Variants in GNG12 observed in about 807,000 individuals in gnomAD.
The protein encoded by GNG12 is guanine nucleotide-binding protein G(I)/G(S)/G(O) subunit gamma-12.
For missense variants in GNG12, 69 were observed against 83.8 expected (o/e 0.82, Z 0.69); for synonymous variants, 28 against 29.7 (o/e 0.94, Z 0.19).
rs1646756712 is a variant in GNG12 at position 67,784,529 on chromosome 1, CTT to C, written c.-76-7024_-76-7023del. On this transcript the variant is annotated intron_variant, in intron 1 of 3. Coordinates refer to ENST00000370982, the MANE Select transcript of GNG12 (RefSeq NM_018841.6). Reference sequence around the variant, plus strand: ...TGCCAATTTCTATTAAAAAAAAAGACTTTTATTTTGTATTTGTAAGATCATTA... The same window carrying C: ...TGCCAATTTCTATTAAAAAAAAAGACTTATTTTGTATTTGTAAGATCATTA... Among the ~76,000 whole-genome samples the C allele has an allele frequency of 2.7e-5, 4 of 149,488 alleles. No individual in the cohort carries two copies. In the South Asian group the frequency reaches 8.6e-4, roughly 32 times the overall value.
At chr1:67,773,293 C>T (rs750690348) in intron 2 of GNG12, among the ~76,000 whole-genome samples, 2 of 152,182 alleles carry the variant, frequency 1.3e-5, no homozygotes, top group Admixed American at 6.5e-5. Context: ...CTATCATTCT[C>T]GGCACCAATG....
At chr1:67,829,519 A>G (rs1647031088) in intron 1 of GNG12, among the ~76,000 whole-genome samples, 1 of 152,228 alleles carries the variant, frequency 6.6e-6, no homozygotes, top group Admixed American at 6.5e-5. Flanking sequence ...AAAATAATGC[A>G]TGCTCATTAT....
chr1:67,800,437 A>G (rs1365028862), intron 1 of GNG12, among the ~76,000 whole-genome samples: 2 of 152,190 alleles, frequency 1.3e-5, no homozygotes, highest in African/African-American at 4.8e-5. Context: ...TGTCTGCCAA[A>G]TATCCAAGTC....
chr1:67,820,422 G>GA (rs1235791003), intron 1 of GNG12, among the ~76,000 whole-genome samples: 3 of 151,218 alleles, frequency 2.0e-5, no homozygotes, highest in African/African-American at 7.3e-5. Context: ...ATTAACAACT[G>GA]AAAAACAGAT....
chr1:67,761,383 A>C (rs557294179), intron 2 of GNG12, among the ~76,000 whole-genome samples: 1 of 152,206 alleles, frequency 6.6e-6, no homozygotes, highest in Non-Finnish European at 1.5e-5. Context: ...GAGGCTTCCA[A>C]CCTCACTCAG....
intron 2 of GNG12, among the ~76,000 whole-genome samples, chr1:67,717,556 T>G (rs532441044): frequency 6.6e-6 from 1 of 152,032 alleles, no homozygotes; most frequent in African/African-American, 2.4e-5. Flanking sequence ...TGTGCTTAAG[T>G]TTTCAAAGCT....
chr1:67,833,440 C>T lies in GNG12; in HGVS notation c.-173G>A. ...ACCTCTCCTCCTCCTCCTCCTCTTG[C>T]TCCTCCGGGCGCCGGCTCCGCCTCG... is the stretch of plus-strand genomic sequence containing the variant. On this transcript the variant is annotated 5_prime_UTR_variant, in exon 1 of 4. Transcript: ENST00000370982. 2.0e-6 allele frequency: 2 copies of T among 985,340 alleles called. No homozygotes were observed. The highest frequency in any genetic ancestry group is 4.7e-5 in the South Asian group (1 of 21,298). The allele number at this position is 985,340 out of a possible 1,614,324, so 61.0% of individuals were successfully genotyped here.
At position 67,763,408 on chromosome 1, in the gene GNG12, AT is replaced by A. The variant is rs564187562; in HGVS notation, c.-27+14049del. 1.6e-3 allele frequency among the ~76,000 whole-genome samples: 250 copies of A among 152,218 alleles called. 1 individual carries two copies. The highest frequency in any genetic ancestry group is 5.7e-3 in the African/African-American group (237 of 41,542). ...TGTCTTGGTTTTTAATGTTATTAAT[AT>A]TTAAGAGTAAGTGCTGGTTATTTTG... On this transcript the variant is annotated intron_variant, in intron 2 of 3. Transcript: ENST00000370982.
chr1:67,739,450 G>T (rs1010206821), intron 2 of GNG12, among the ~76,000 whole-genome samples: 1 of 152,176 alleles, frequency 6.6e-6, no homozygotes, highest in East Asian at 1.9e-4. Context: ...TATGTGGTAG[G>T]TCCCATATAG....
At chr1:67,798,703 C>G (rs1184909892) in intron 1 of GNG12, among the ~76,000 whole-genome samples, 1 of 152,098 alleles carries the variant, frequency 6.6e-6, no homozygotes, top group African/African-American at 2.4e-5. Flanking sequence ...CGCCTGTAAT[C>G]CCAGCACTTC....
intron 2 of GNG12, among the ~76,000 whole-genome samples, chr1:67,729,606 T>C (rs1490462214): frequency 2.0e-5 from 3 of 152,168 alleles, no homozygotes; most frequent in Non-Finnish European, 4.4e-5. Context: ...GCAATGGCCT[T>C]GGTTTTCTTG....
rs1298834310 is a variant in GNG12 at position 67,766,146 on chromosome 1, A to ACCCC, written c.-27+11311_-27+11312insGGGG. Among the ~76,000 whole-genome samples, 9 of 139,702 alleles carry ACCCC rather than the reference A, an allele frequency of 6.4e-5. No homozygotes were observed. The East Asian group carries it at 1.9e-3, about 29-fold the overall frequency. The allele number at this position is 139,702 out of a possible 152,430, so 91.6% of individuals were successfully genotyped here. ...CACACACACACACACACACACACAC[A>ACCCC]CACCCCTAAACAATGCCCTCATAGA... On this transcript the variant is annotated intron_variant, in intron 2 of 3. Transcript: ENST00000370982.
chr1:67,710,023 G>T (rs1413831477), intron 2 of GNG12, among the ~76,000 whole-genome samples: 4 of 27,372 alleles, frequency 1.5e-4, no homozygotes, highest in East Asian at 9.0e-4. Context: ...TATATATATA[G>T]TTATATATAT....
chr1:67,717,761 C>T (rs1264895470), intron 2 of GNG12, among the ~76,000 whole-genome samples: 1 of 152,138 alleles, frequency 6.6e-6, no homozygotes, highest in East Asian at 1.9e-4. Flanking sequence ...CTTGCCCTGT[C>T]CAGTGATATT....
At chr1:67,775,083 C>A (rs998026471) in intron 2 of GNG12, among the ~76,000 whole-genome samples, 1 of 152,344 alleles carries the variant, frequency 6.6e-6, no homozygotes, top group South Asian at 2.1e-4. Flanking sequence ...ACCTCTACCA[C>A]GCAGGCTACT....
At chr1:67,828,805 T>C (rs185316181) in intron 1 of GNG12, among the ~76,000 whole-genome samples, 400 of 152,300 alleles carry the variant, frequency 2.6e-3, no homozygotes, top group Non-Finnish European at 3.6e-3. Context: ...TTTTCAAATA[T>C]TCTTCATGAA....
intron 1 of GNG12, among the ~76,000 whole-genome samples, chr1:67,829,828 T>C (rs888208447): frequency 1.3e-5 from 2 of 152,206 alleles, no homozygotes; most frequent in Non-Finnish European, 2.9e-5. Context: ...CTGTACCCTT[T>C]ATAGTTATTT....
intron 2 of GNG12, among the ~76,000 whole-genome samples, chr1:67,740,166 C>T (rs1240909815): frequency 6.6e-6 from 1 of 152,146 alleles, no homozygotes; most frequent in Non-Finnish European, 1.5e-5. Flanking sequence ...GTGCTACTCA[C>T]AGAGTATATA....
At chr1:67,724,057 T>G (rs1264883822) in intron 2 of GNG12, among the ~76,000 whole-genome samples, 2 of 152,044 alleles carry the variant, frequency 1.3e-5, no homozygotes, top group South Asian at 2.1e-4. Context: ...TTAGAAAAAT[T>G]TGGCAGTGTA....
Sources: gnomAD v4.1 joint callset for allele counts (sites outside exome capture counted in the v4.1 genomes callset) on GRCh38, gnomAD v4.1.1 for gene constraint, MANE v1.5 for transcripts, NCBI Gene and HGNC (gene_info 2026-07-23, HGNC 2026-07-21) for gene names.